Variants in MDGA2 observed in about 807,000 individuals in gnomAD.
MDGA2 encodes MAM domain-containing glycosylphosphatidylinositol anchor protein 2.
MDGA2 carries 40 observed loss-of-function variants against 117.8 expected under a neutral mutation model. The ratio of observed to expected loss-of-function variants is 0.34; its 90% CI spans 0.26 to 0.44. The LOEUF (loss-of-function observed/expected upper bound fraction) is 0.44, where lower values mean the gene tolerates loss of function less well. Among genes scored for constraint, MDGA2 ranks in the 20% least tolerant of loss-of-function variants. The pLI is 1.00. For synonymous variants in MDGA2, 452 were observed against 439.0 expected (o/e 1.03, Z -0.37); for missense variants, 1,123 against 1,250.6 (o/e 0.90, Z 1.54).
At chr14:47,501,996 C>T (rs899972315) in intron 1 of MDGA2, among the ~76,000 whole-genome samples, 6 of 151,920 alleles carry the variant, frequency 3.9e-5, no homozygotes, top group Non-Finnish European at 5.9e-5. Context: ...GTAAAATTAT[C>T]TAGCAAAAAA....
intron 3 of MDGA2, among the ~76,000 whole-genome samples, chr14:47,160,077 T>A (rs1314462938): frequency 6.6e-6 from 1 of 152,206 alleles, no homozygotes; most frequent in Non-Finnish European, 1.5e-5. Flanking sequence ...TATTTTCTTT[T>A]GATGGAGATA....
intron 10 of MDGA2, among the ~76,000 whole-genome samples, chr14:46,916,582 T>C (rs1490075415): frequency 1.3e-5 from 2 of 152,172 alleles, no homozygotes; most frequent in South Asian, 4.1e-4. Flanking sequence ...GCAATGTTGC[T>C]TGCTGGGGCC....
chr14:47,056,923 T>C (rs537181151), intron 7 of MDGA2, among the ~76,000 whole-genome samples: 1 of 152,154 alleles, frequency 6.6e-6, no homozygotes. Context: ...TTATAGCGTA[T>C]AGTATATTTA....
At chr14:47,318,805 GGAAA>G (rs997794364) in intron 1 of MDGA2, among the ~76,000 whole-genome samples, 5 of 140,574 alleles carry the variant, frequency 3.6e-5, no homozygotes, top group African/African-American at 1.1e-4. Context: ...GGGAAAGGGA[GGAAA>G]GAAGGAAGGA....
chr14:47,611,395 A>G (rs770862188), intron 1 of MDGA2, among the ~76,000 whole-genome samples: 3 of 152,180 alleles, frequency 2.0e-5, no homozygotes. Flanking sequence ...GCATGGCAAA[A>G]GGAACAGTCA....
intron 16 of MDGA2, 147 bp from the exon 17 acceptor site, chr14:46,842,166 G>T: frequency 1.7e-6 from 1 of 588,750 alleles, no homozygotes; most frequent in Non-Finnish European, 3.0e-6. Flanking sequence ...TTATTTATCA[G>T]CTTCATTGCT....
chr14:47,301,466 C>T lies in MDGA2; in HGVS notation c.365G>A (p.Arg122Gln), dbSNP rs554455018. ...ERYSERVYTI[R>Q]EGETLELTCL... ...AGTCAACTCAAGGGTTTCTCCTTCCCGGATAGTGTAGACCCTTTCGGAGTA... is the reference window on the plus strand; with the variant it reads ...AGTCAACTCAAGGGTTTCTCCTTCCTGGATAGTGTAGACCCTTTCGGAGTA... The change falls in exon 2 of 17, where the codon CGG (arginine) becomes CAG (glutamine). Residue 122 changes from arginine to glutamine, a missense_variant. By Grantham distance (43) the Arg-to-Gln change is conservative (BLOSUM62 1). Coordinates refer to ENST00000399232, the MANE Select transcript of MDGA2 (RefSeq NM_001113498.3). 5.0e-5 allele frequency: 78 copies of T among 1,551,778 alleles called. No individual in the cohort carries two copies. Among genetic ancestry groups the T allele is most frequent in the South Asian group, 3.7e-4 (31 of 84,068 alleles).
intron 1 of MDGA2, among the ~76,000 whole-genome samples, chr14:47,600,736 A>C (rs1440475318): frequency 6.6e-6 from 1 of 151,718 alleles, no homozygotes; most frequent in Non-Finnish European, 1.5e-5. Flanking sequence ...AAAAAAAAAA[A>C]GTAGGGAAGA....
At position 47,473,381 on chromosome 14, in the gene MDGA2, G is replaced by T. The variant is rs1266457071; in HGVS notation, c.281-171831C>A. 3.3e-5 allele frequency among the ~76,000 whole-genome samples: 5 copies of T among 152,042 alleles called. No individual in the cohort carries two copies. The East Asian group carries it at 9.6e-4, about 29-fold the overall frequency. ...TATAACAATACTAATAAACAACTTG[G>T]ATTTATCATAGCCTTAGCAGTGCCT... On this transcript the variant is annotated intron_variant, in intron 1 of 16. Transcript: ENST00000399232.
At chr14:47,433,250 A>G (rs1329323258) in intron 1 of MDGA2, among the ~76,000 whole-genome samples, 1 of 152,108 alleles carries the variant, frequency 6.6e-6, no homozygotes, top group Non-Finnish European at 1.5e-5. Context: ...TTAAAACAGC[A>G]GAGTTGTCCT....
chr14:46,964,918 A>ATTTTT (rs1566549134), intron 8 of MDGA2, among the ~76,000 whole-genome samples: 2 of 95,416 alleles, frequency 2.1e-5, no homozygotes, highest in African/African-American at 1.3e-4. Flanking sequence ...ATATATATTT[A>ATTTTT]CTTTTTTTTT....
intron 1 of MDGA2, among the ~76,000 whole-genome samples, chr14:47,618,978 G>A (rs1365701378): frequency 2.0e-5 from 3 of 151,634 alleles, no homozygotes; most frequent in African/African-American, 4.8e-5. Context: ...TCTAGCTTCC[G>A]CAGGCCTCTT....
intron 4 of MDGA2, among the ~76,000 whole-genome samples, chr14:47,139,338 G>A (rs1882603578): frequency 6.6e-6 from 1 of 152,018 alleles, no homozygotes; most frequent in African/African-American, 2.4e-5. Flanking sequence ...TTACTTGCAT[G>A]TGCTAATGTC....
At chr14:47,178,689 T>C (rs958404909) in intron 3 of MDGA2, among the ~76,000 whole-genome samples, 12 of 152,172 alleles carry the variant, frequency 7.9e-5, no homozygotes, top group African/African-American at 2.9e-4. Context: ...GCCATCATCA[T>C]CTTGTGTCGT....
intron 10 of MDGA2, among the ~76,000 whole-genome samples, chr14:46,914,304 C>T (rs1160702390): frequency 1.3e-5 from 2 of 151,970 alleles, no homozygotes; most frequent in African/African-American, 2.4e-5. Flanking sequence ...TAAACAATTG[C>T]TTAGCTGAGC....
intron 14 of MDGA2, among the ~76,000 whole-genome samples, chr14:46,865,413 G>A (rs1029745624): frequency 2.0e-5 from 3 of 152,184 alleles, no homozygotes; most frequent in South Asian, 2.1e-4. Flanking sequence ...AGCTATCTAT[G>A]ACAAACCCAC....
intron 8 of MDGA2, among the ~76,000 whole-genome samples, chr14:47,030,583 T>G (rs1474285798): frequency 6.6e-6 from 1 of 152,138 alleles, no homozygotes; most frequent in African/African-American, 2.4e-5. Context: ...ACTATGATTT[T>G]TAAATACTAT....
intron 1 of MDGA2, among the ~76,000 whole-genome samples, chr14:47,606,925 TACA>T (rs1328184320): frequency 9.9e-5 from 15 of 152,156 alleles, no homozygotes; most frequent in African/African-American, 3.4e-4. Flanking sequence ...AGGTAAAAGT[TACA>T]ACATTAGGAT....
At position 47,045,784 on chromosome 14, in the gene MDGA2, C is replaced by G. The variant is rs377338637; in HGVS notation, c.1526-10480G>C. On this transcript the variant is annotated intron_variant, in intron 7 of 16. Transcript: ENST00000399232. ...GTTTGAGACCAGCCTGGCCAACATG[C>G]AGTAACCTTGTCTCTACTAAAAATA... 1.0e-3 allele frequency among the ~76,000 whole-genome samples: 155 copies of G among 151,970 alleles called. 2 individuals carry two copies. Among genetic ancestry groups the G allele is most frequent in the African/African-American group, 3.5e-3 (147 of 41,480 alleles).
Sources: allele counts gnomAD v4.1 joint callset (sites outside exome capture counted in the v4.1 genomes callset), GRCh38; gene constraint gnomAD v4.1.1; transcripts MANE v1.5; gene names NCBI Gene and HGNC (gene_info 2026-07-23, HGNC 2026-07-21).